ABL2: variants seen among roughly 807,000 people sequenced by gnomAD.
ABL2 encodes the protein ABL proto-oncogene 2, non-receptor tyrosine kinase.
A neutral mutation model predicts 107.7 loss-of-function variants in ABL2; 49 were observed. The ratio of observed to expected loss-of-function variants is 0.45; its 90% CI spans 0.36 to 0.58. ABL2 has a LOEUF of 0.58. Among genes scored for constraint, ABL2 ranks in the 20% least tolerant of loss-of-function variants. The pLI is 0.00. For synonymous variants in ABL2, 549 were observed against 548.6 expected (o/e 1.00, Z -0.01); for missense variants, 1,245 against 1,457.0 (o/e 0.85, Z 2.37).
chr1:179,158,059 T>C (rs1328356977), intron 1 of ABL2, among the ~76,000 whole-genome samples: 3 of 152,166 alleles, frequency 2.0e-5, no homozygotes. Context: ...GAATACGGTG[T>C]TCACAAATAA....
intron 1 of ABL2, among the ~76,000 whole-genome samples, chr1:179,134,595 G>A (rs1227917097): frequency 1.3e-5 from 2 of 152,138 alleles, no homozygotes; most frequent in Non-Finnish European, 1.5e-5. Flanking sequence ...ACACAGGAAC[G>A]TTATTTAGAA....
chr1:179,170,008 C>CAG (rs1268427789), intron 1 of ABL2, among the ~76,000 whole-genome samples: 2 of 152,086 alleles, frequency 1.3e-5, no homozygotes, highest in Non-Finnish European at 2.9e-5. Flanking sequence ...GCCTGGGTGA[C>CAG]AGAGAGATTC....
chr1:179,228,340 C>G (rs1663347316), intron 1 of ABL2, among the ~76,000 whole-genome samples: 1 of 151,796 alleles, frequency 6.6e-6, no homozygotes, highest in Non-Finnish European at 1.5e-5. Context: ...AAGCGAGACT[C>G]TGTCTCAAAA....
At chr1:179,185,919 G>A (rs1025386109) in intron 1 of ABL2, among the ~76,000 whole-genome samples, 10 of 151,994 alleles carry the variant, frequency 6.6e-5, no homozygotes, top group African/African-American at 1.9e-4. Flanking sequence ...GCCTAGACAA[G>A]CAAACCAAAT....
intron 1 of ABL2, among the ~76,000 whole-genome samples, chr1:179,212,159 A>G (rs1193174411): frequency 1.3e-5 from 2 of 152,140 alleles, no homozygotes; most frequent in African/African-American, 4.8e-5. Flanking sequence ...CATGGTGAGA[A>G]CTTACCATCA....
chr1:179,195,049 A>G (rs1237105311), intron 1 of ABL2, among the ~76,000 whole-genome samples: 2 of 152,190 alleles, frequency 1.3e-5, no homozygotes, highest in Non-Finnish European at 2.9e-5. Flanking sequence ...GCATTTTGGG[A>G]GCCTGAGGCA....
chr1:179,120,048 A>G, intron 6 of ABL2, 142 bp downstream of exon 6: 1 of 506,606 alleles, frequency 2.0e-6, no homozygotes, highest in Non-Finnish European at 3.5e-6. Context: ...AGGCGGAAGT[A>G]TCACGTCAAC....
At position 179,120,235 on chromosome 1, in the gene ABL2, C is replaced by T. The variant is rs776958637; in HGVS notation, c.1000G>A (p.Ala334Thr). The T allele has an allele frequency of 6.2e-7, 1 of 1,607,266 alleles. No individual in the cohort carries two copies. ...MEVEEFLKEA[A>T]VMKEIKHPNL... ...GGATGCTTGATTTCCTTCATTACTG[C>T]AGCTTCTTTCAGGAATTCTTCTACC... is the stretch of plus-strand genomic sequence containing the variant. The change falls in exon 6 of 12, where the codon GCA (alanine) becomes ACA (threonine). Residue 334 changes from alanine to threonine, a missense_variant. Transcript: ENST00000502732.
chr1:179,229,460 C>T lies in ABL2; in HGVS notation c.-63G>A. The T allele has an allele frequency of 7.1e-7, 1 of 1,415,162 alleles. No individual in the cohort carries two copies. 87.7% of individuals were successfully genotyped at this position (1,415,162 alleles called of 1,614,324 possible). On this transcript the variant is annotated 5_prime_UTR_variant, in exon 1 of 12. Coordinates refer to ENST00000502732, the MANE Select transcript of ABL2 (RefSeq NM_007314.4). ...TGGTCACATTCCTCCTCGGCTCCGG[C>T]CTCGGGCTCCTGGCGCTGCTCCGGT...
Position 179,110,832 on chromosome 1 carries a change from A to C in ABL2, c.1652-377T>G, listed in dbSNP as rs1468689097. 1.9e-6 allele frequency: 3 copies of C among 1,613,886 alleles called. No individual in the cohort carries two copies. In the African/African-American group the frequency reaches 4.0e-5, roughly 22 times the overall value. ...ACAATGTTATGCACGTCTGATTGGC[A>C]CAATGTAGGAGAACTGGTGGATCAC... On this transcript the variant is annotated intron_variant, in intron 10 of 11. Coordinates refer to ENST00000502732, the MANE Select transcript of ABL2 (RefSeq NM_007314.4).
chr1:179,194,062 C>A (rs2102827195), intron 1 of ABL2, among the ~76,000 whole-genome samples: 1 of 152,274 alleles, frequency 6.6e-6, no homozygotes, highest in South Asian at 2.1e-4. Flanking sequence ...ACTTACTAAT[C>A]AAACTCTGTC....
At chr1:179,130,865 C>T (rs1241773949) in intron 3 of ABL2, among the ~76,000 whole-genome samples, 1 of 151,678 alleles carries the variant, frequency 6.6e-6, no homozygotes, top group East Asian at 1.9e-4. Flanking sequence ...GATTGCTAGT[C>T]TGCCTAAGCT....
At chr1:179,143,913 G>A (rs1023301128) in intron 1 of ABL2, among the ~76,000 whole-genome samples, 3 of 151,614 alleles carry the variant, frequency 2.0e-5, no homozygotes, top group Non-Finnish European at 4.4e-5. Flanking sequence ...GGCCAGGCTG[G>A]TCTCAAACTC....
At chr1:179,170,191 G>C (rs571324743) in intron 1 of ABL2, among the ~76,000 whole-genome samples, 1 of 152,192 alleles carries the variant, frequency 6.6e-6, no homozygotes, top group East Asian at 1.9e-4. Flanking sequence ...CTTTTATCTG[G>C]AGCCAACTTC....
Position 179,166,672 on chromosome 1 carries a change from G to C in ABL2, c.158-33298C>G, listed in dbSNP as rs549882838. 1.6e-4 allele frequency among the ~76,000 whole-genome samples: 24 copies of C among 151,666 alleles called. No homozygotes were observed. In the South Asian group the frequency reaches 2.7e-3, roughly 17 times the overall value. On this transcript the variant is annotated intron_variant, in intron 1 of 11. Coordinates refer to ENST00000502732, the MANE Select transcript of ABL2 (RefSeq NM_007314.4). ...CCTGCCTGTAATCCCAGCTACTCTG[G>C]AGGCTGAGGGAGGAGAATCGCTTGA...
At chr1:179,158,855 A>G (rs2102747254) in intron 1 of ABL2, among the ~76,000 whole-genome samples, 1 of 152,394 alleles carries the variant, frequency 6.6e-6, no homozygotes, top group Middle Eastern at 3.4e-3. Context: ...ATAATACAGC[A>G]TATTAACAGA....
intron 1 of ABL2, among the ~76,000 whole-genome samples, chr1:179,190,972 C>T (rs912990131): frequency 6.6e-6 from 1 of 152,060 alleles, no homozygotes; most frequent in Non-Finnish European, 1.5e-5. Context: ...GAGGAAAAAG[C>T]GTTTAATAGG....
intron 10 of ABL2, 104 bp from the exon 11 acceptor site, chr1:179,110,559 G>T: frequency 6.6e-7 from 1 of 1,515,828 alleles, no homozygotes; most frequent in Non-Finnish European, 8.8e-7. Flanking sequence ...GGCAAGTAGA[G>T]TACTAAAATA....
At chr1:179,204,071 G>C (rs1187033542) in intron 1 of ABL2, among the ~76,000 whole-genome samples, 2 of 152,128 alleles carry the variant, frequency 1.3e-5, no homozygotes, top group South Asian at 2.1e-4. Flanking sequence ...CTGTCGCCCA[G>C]GCTGGAGTAC....
Sources: allele counts gnomAD v4.1 joint callset (sites outside exome capture counted in the v4.1 genomes callset), GRCh38; gene constraint gnomAD v4.1.1; transcripts MANE v1.5; gene names NCBI Gene and HGNC (gene_info 2026-07-23, HGNC 2026-07-21).